The following RPTOR variants were observed in gnomAD, a reference collection of about 807,000 sequenced individuals.
RPTOR encodes regulatory-associated protein of mTOR.
A neutral mutation model predicts 169.9 loss-of-function variants in RPTOR; 21 were observed. The observed-to-expected ratio is 0.12, with a 90% CI of 0.09 to 0.18. The LOEUF is 0.18. RPTOR is among the 10% of genes least tolerant of loss of function. The pLI is 1.00. For synonymous variants in RPTOR, 732 were observed against 753.2 expected (o/e 0.97, Z 0.46); for missense variants, 1,133 against 1,855.9 (o/e 0.61, Z 7.16).
intron 28 of RPTOR, among the ~76,000 whole-genome samples, chr17:80,951,099 G>A (rs1387614790): frequency 6.6e-6 from 1 of 151,596 alleles, no homozygotes; most frequent in African/African-American, 2.4e-5. Flanking sequence ...CTGGCCCCGG[G>A]GTCCCTGAGA....
intron 3 of RPTOR, among the ~76,000 whole-genome samples, chr17:80,687,536 C>T (rs2065957898): frequency 1.3e-5 from 2 of 152,240 alleles, no homozygotes; most frequent in African/African-American, 4.8e-5. Flanking sequence ...GAGTGGGTCT[C>T]CCCTGCCTCT....
chr17:80,841,905 ACTCT>A (rs2067671314), intron 10 of RPTOR, among the ~76,000 whole-genome samples: 1 of 118,432 alleles, frequency 8.4e-6, no homozygotes, highest in Non-Finnish European at 1.7e-5. Context: ...ACGGCAGCTC[ACTCT>A]CACCGCACGG....
intron 11 of RPTOR, among the ~76,000 whole-genome samples, chr17:80,850,203 C>A (rs950136165): frequency 6.6e-6 from 1 of 152,206 alleles, no homozygotes; most frequent in African/African-American, 2.4e-5. Context: ...TTTCTCAGCC[C>A]TCAGCCCCTC....
chr17:80,911,078 G>A (rs1205877242), intron 21 of RPTOR, among the ~76,000 whole-genome samples: 3 of 152,176 alleles, frequency 2.0e-5, no homozygotes, highest in Non-Finnish European at 4.4e-5. Context: ...TGATCCGCCT[G>A]CCTCGGCCTC....
chr17:80,629,119 CTA>C (rs988930962), intron 2 of RPTOR, among the ~76,000 whole-genome samples: 10 of 149,362 alleles, frequency 6.7e-5, no homozygotes, highest in African/African-American at 2.5e-4. Context: ...ACTCAGCTCT[CTA>C]TGTATTGTGC....
chr17:80,786,464 A>G (rs1179442182), intron 6 of RPTOR, among the ~76,000 whole-genome samples: 1 of 152,222 alleles, frequency 6.6e-6, no homozygotes, highest in East Asian at 1.9e-4. Flanking sequence ...GTTAAAAGAA[A>G]ACTCTAGGCA....
chr17:80,802,310 TG>T, intron 7 of RPTOR: 1 of 152,356 alleles, frequency 6.6e-6, no homozygotes, highest in Non-Finnish European at 1.5e-5. Context: ...AAAGAAAACG[TG>T]GGCTGGGCGC....
At chr17:80,684,813 CT>C (rs972754928) in intron 3 of RPTOR, among the ~76,000 whole-genome samples, 3 of 152,198 alleles carry the variant, frequency 2.0e-5, no homozygotes, top group African/African-American at 7.2e-5. Flanking sequence ...CTGCACTCTG[CT>C]TTTTGCCACT....
At chr17:80,913,191 G>A (rs374172391) in intron 21 of RPTOR, among the ~76,000 whole-genome samples, 3 of 152,102 alleles carry the variant, frequency 2.0e-5, no homozygotes, top group Admixed American at 1.3e-4. Flanking sequence ...ACAGAGAAAC[G>A]AGCCTATTTT....
In RPTOR at chr17:80,744,867, CTGGT is replaced by C. The variant is rs2066552202; in HGVS notation, c.655-9141_655-9138del. On this transcript the variant is annotated intron_variant, in intron 5 of 33. Coordinates refer to ENST00000306801, the MANE Select transcript of RPTOR (RefSeq NM_020761.3). Reference sequence around the variant, plus strand: ...CACTGTCCTGGCTACTAGCACTGTCCTGGTTACGAGCACAGCCCTGGCTACTAGC... The same window carrying C: ...CACTGTCCTGGCTACTAGCACTGTCCTACGAGCACAGCCCTGGCTACTAGC... Among the ~76,000 whole-genome samples the C allele has an allele frequency of 1.8e-5, 2 of 113,934 alleles. 1 individual carries two copies. Among genetic ancestry groups the C allele is most frequent in the Non-Finnish European group, 3.8e-5 (2 of 52,188 alleles). 74.7% of individuals were successfully genotyped at this position (113,934 alleles called of 152,430 possible).
chr17:80,950,651 G>A (rs2069164148), intron 28 of RPTOR, among the ~76,000 whole-genome samples: 1 of 152,172 alleles, frequency 6.6e-6, no homozygotes, highest in Non-Finnish European at 1.5e-5. Context: ...TCTGGGGTAT[G>A]ACAGCTTCCC....
At chr17:80,729,905 A>G (rs1230361809) in intron 4 of RPTOR, among the ~76,000 whole-genome samples, 4 of 152,224 alleles carry the variant, frequency 2.6e-5, no homozygotes, top group African/African-American at 9.6e-5. Flanking sequence ...GGGAAGCCCC[A>G]CAGTGGGAAC....
chr17:80,795,362 T>G (rs2067090888), intron 7 of RPTOR, among the ~76,000 whole-genome samples: 3 of 152,288 alleles, frequency 2.0e-5, no homozygotes, highest in Admixed American at 1.3e-4. Flanking sequence ...AGACGCCCTT[T>G]CCCTAAATCA....
At chr17:80,816,620 G>C (rs2067325964) in intron 7 of RPTOR, among the ~76,000 whole-genome samples, 1 of 152,202 alleles carries the variant, frequency 6.6e-6, no homozygotes, top group Non-Finnish European at 1.5e-5. Flanking sequence ...GAGGAGCCGG[G>C]TGCCAGGGGA....
At chr17:80,786,038 A>G (rs1257914036) in intron 6 of RPTOR, among the ~76,000 whole-genome samples, 3 of 152,086 alleles carry the variant, frequency 2.0e-5, no homozygotes, top group Admixed American at 6.5e-5. Context: ...GTGTCCCGGA[A>G]CCAGTCCCCC....
Position 80,822,360 on chromosome 17 carries a change from G to A in RPTOR, c.991+59G>A, listed in dbSNP as rs758157649. The A allele has an allele frequency of 3.5e-4, 532 of 1,502,058 alleles. 1 individual carries two copies. Among genetic ancestry groups the A allele is most frequent in the Non-Finnish European group, 4.5e-4 (483 of 1,081,504 alleles). The allele number at this position is 1,502,058 out of a possible 1,614,324, so 93.0% of individuals were successfully genotyped here. ...TATGGCCTTGAGTGCGCGGGGAGCC[G>A]ACTCTCGGACATGAGAGGAGTCAGA... On this transcript the variant is annotated intron_variant, in intron 8 of 33. Transcript: ENST00000306801.
At chr17:80,945,196 G>A (rs944238152) in intron 25 of RPTOR, among the ~76,000 whole-genome samples, 14 of 152,116 alleles carry the variant, frequency 9.2e-5, no homozygotes, top group Non-Finnish European at 1.9e-4. Flanking sequence ...ATGCAGAGTT[G>A]AGGCGGGAGG....
intron 5 of RPTOR, chr17:80,743,514 C>T: frequency 1.1e-6 from 1 of 924,098 alleles, no homozygotes; most frequent in Middle Eastern, 5.6e-4. Flanking sequence ...GAGTGCTGGG[C>T]ATTGCCAGGT....
intron 21 of RPTOR, among the ~76,000 whole-genome samples, chr17:80,913,036 GTGTC>G (rs760225720): frequency 3.3e-5 from 5 of 152,300 alleles, no homozygotes; most frequent in African/African-American, 9.6e-5. Context: ...GCGTGTGTGT[GTGTC>G]TGAGTGTATA....
Sources: gnomAD v4.1 joint callset for allele counts (sites outside exome capture counted in the v4.1 genomes callset) on GRCh38, gnomAD v4.1.1 for gene constraint, MANE v1.5 for transcripts, NCBI Gene and HGNC (gene_info 2026-07-23, HGNC 2026-07-21) for gene names.